Variants in OSBPL10 observed in about 807,000 individuals in gnomAD.
OSBPL10 encodes the protein oxysterol binding protein like 10.
Under a neutral mutation model 81.7 loss-of-function variants are expected in OSBPL10, and 49 were observed. The observed-to-expected ratio is 0.60, with a 90% CI of 0.48 to 0.76. The LOEUF (loss-of-function observed/expected upper bound fraction) is 0.76. Among genes scored for constraint, OSBPL10 ranks in the 30% least tolerant of loss-of-function variants. The pLI is 0.00. For synonymous variants in OSBPL10, 419 were observed against 383.6 expected (o/e 1.09, Z -1.08); for missense variants, 923 against 987.8 (o/e 0.93, Z 0.88).
At chr3:32,028,575 T>C (rs1267122456) in intron 2 of OSBPL10, among the ~76,000 whole-genome samples, 3 of 152,282 alleles carry the variant, frequency 2.0e-5, no homozygotes, top group Non-Finnish European at 1.5e-5. Context: ...CACATCAAAT[T>C]GCAATATGAA....
intron 4 of OSBPL10, among the ~76,000 whole-genome samples, chr3:31,764,895 T>G (rs968383806): frequency 1.3e-5 from 2 of 152,224 alleles, no homozygotes; most frequent in African/African-American, 4.8e-5. Context: ...TAGTCAATTT[T>G]TATTCCTTCT....
intron 3 of OSBPL10, among the ~76,000 whole-genome samples, chr3:31,830,879 G>A (rs930128439): frequency 2.0e-5 from 3 of 152,118 alleles, no homozygotes; most frequent in African/African-American, 7.2e-5. Flanking sequence ...ATTTCATCCT[G>A]TGGTAATATA....
chr3:31,924,517 C>A (rs1202690192), intron 1 of OSBPL10, among the ~76,000 whole-genome samples: 1 of 152,096 alleles, frequency 6.6e-6, no homozygotes, highest in Non-Finnish European at 1.5e-5. Context: ...AAAATCTCTC[C>A]CGTAAAATTG....
At chr3:31,762,448 T>C (rs1199311418) in intron 4 of OSBPL10, among the ~76,000 whole-genome samples, 1 of 151,914 alleles carries the variant, frequency 6.6e-6, no homozygotes, top group African/African-American at 2.4e-5. Flanking sequence ...AGCTCTGTCT[T>C]GGCCACAAGC....
At chr3:31,708,113 T>C (rs1696131513) in intron 6 of OSBPL10, among the ~76,000 whole-genome samples, 1 of 152,190 alleles carries the variant, frequency 6.6e-6, no homozygotes, top group African/African-American at 2.4e-5. Context: ...AAATTTTTTA[T>C]TAAATTAGAG....
intron 1 of OSBPL10, among the ~76,000 whole-genome samples, chr3:31,906,147 G>T (rs763679123): frequency 6.6e-6 from 1 of 152,042 alleles, no homozygotes. Flanking sequence ...TCTATTTCAC[G>T]ATCAGGGAAC....
At chr3:31,686,311 T>C (rs544458882) in intron 7 of OSBPL10, among the ~76,000 whole-genome samples, 41 of 152,282 alleles carry the variant, frequency 2.7e-4, no homozygotes, top group South Asian at 8.3e-4. Flanking sequence ...TAGGCAGACA[T>C]GAGAACAGCA....
At chr3:31,883,624 C>T (rs1378013361) in intron 1 of OSBPL10, among the ~76,000 whole-genome samples, 1 of 151,662 alleles carries the variant, frequency 6.6e-6, no homozygotes, top group African/African-American at 2.4e-5. Flanking sequence ...CTCCACCTCC[C>T]GGGTTCAAGT....
intron 2 of OSBPL10, chr3:31,990,025 T>A: frequency 1.2e-6 from 2 of 1,614,106 alleles, no homozygotes; most frequent in Non-Finnish European, 1.7e-6. Flanking sequence ...ACCTTACAAA[T>A]GTGAAGAATG....
At chr3:32,015,156 G>T (rs1008846120) in intron 2 of OSBPL10, among the ~76,000 whole-genome samples, 10 of 151,164 alleles carry the variant, frequency 6.6e-5, no homozygotes, top group South Asian at 2.1e-4. Flanking sequence ...TAAGCCAAAA[G>T]AACAAAGCTG....
chr3:31,776,894 C>T (rs931127110), intron 4 of OSBPL10, among the ~76,000 whole-genome samples: 4 of 151,950 alleles, frequency 2.6e-5, no homozygotes, highest in African/African-American at 4.8e-5. Context: ...TGTGAATACA[C>T]TAACAGCCAT....
chr3:32,011,953 G>C (rs901406900), intron 2 of OSBPL10, among the ~76,000 whole-genome samples: 1 of 152,150 alleles, frequency 6.6e-6, no homozygotes, highest in Non-Finnish European at 1.5e-5. Flanking sequence ...TGAAAAGACC[G>C]AATCTACATC....
At chr3:32,077,195 G>C (rs1214184937) in intron 1 of OSBPL10, among the ~76,000 whole-genome samples, 1 of 152,210 alleles carries the variant, frequency 6.6e-6, no homozygotes, top group Non-Finnish European at 1.5e-5. Flanking sequence ...GGATAGCTTA[G>C]AAGTTAGAAG....
chr3:31,870,023 C>A (rs1701278904), intron 3 of OSBPL10, among the ~76,000 whole-genome samples: 1 of 152,228 alleles, frequency 6.6e-6, no homozygotes, highest in Non-Finnish European at 1.5e-5. Flanking sequence ...TTTGGTGGCA[C>A]TTGAGGAGCC....
chr3:31,712,225 A>G (rs1236486301), intron 6 of OSBPL10, among the ~76,000 whole-genome samples: 1 of 152,130 alleles, frequency 6.6e-6, no homozygotes, highest in Non-Finnish European at 1.5e-5. Flanking sequence ...TGTGTATCTC[A>G]AGTTCAGCCT....
At chr3:31,835,113 G>A (rs1700333661) in intron 3 of OSBPL10, among the ~76,000 whole-genome samples, 1 of 152,052 alleles carries the variant, frequency 6.6e-6, no homozygotes, top group African/African-American at 2.4e-5. Context: ...TTGGTCCTTG[G>A]TATCTTAAGT....
intron 2 of OSBPL10, among the ~76,000 whole-genome samples, chr3:32,009,131 TCC>T (rs1385927233): frequency 2.9e-4 from 44 of 152,326 alleles, no homozygotes; most frequent in Non-Finnish European, 1.5e-4. Flanking sequence ...TCTCTAGCCC[TCC>T]TGCCTAAAGT....
At chr3:31,767,144 A>G (rs1289950228) in intron 4 of OSBPL10, among the ~76,000 whole-genome samples, 1 of 152,304 alleles carries the variant, frequency 6.6e-6, no homozygotes, top group Non-Finnish European at 1.5e-5. Flanking sequence ...GGAAATTAAA[A>G]TTACCACTGA....
chr3:31,818,169 T>TA, intron 4 of OSBPL10, among the ~76,000 whole-genome samples: 1 of 152,050 alleles, frequency 6.6e-6, no homozygotes, highest in East Asian at 1.9e-4. Flanking sequence ...TAGGTGAGCT[T>TA]AGTATTTACA....
Sources: gnomAD v4.1 joint callset for allele counts (sites outside exome capture counted in the v4.1 genomes callset) on GRCh38, gnomAD v4.1.1 for gene constraint, MANE v1.5 for transcripts, NCBI Gene and HGNC (gene_info 2026-07-23, HGNC 2026-07-21) for gene names.